Variants in GABRA2 observed in about 807,000 individuals in gnomAD.
The protein encoded by GABRA2 is gamma-aminobutyric acid receptor subunit alpha-2.
A neutral mutation model predicts 48.7 loss-of-function variants in GABRA2; 16 were observed. That is an observed-to-expected ratio of 0.33 (90% CI 0.22 to 0.50). GABRA2 has a LOEUF of 0.50. GABRA2 is among the 20% of genes least tolerant of loss of function. GABRA2 has a pLI of 0.98. For synonymous variants in GABRA2, 185 were observed against 184.5 expected (o/e 1.00, Z -0.02); for missense variants, 275 against 535.6 (o/e 0.51, Z 4.80).
intron 8 of GABRA2, among the ~76,000 whole-genome samples, chr4:46,274,657 C>A (rs544561462): frequency 2.6e-5 from 4 of 152,032 alleles, no homozygotes; most frequent in African/African-American, 4.8e-5. Context: ...TATAAGCATA[C>A]GTGCCTTAAA....
chr4:46,327,792 T>C (rs1379415856), intron 4 of GABRA2, among the ~76,000 whole-genome samples: 1 of 152,042 alleles, frequency 6.6e-6, no homozygotes, highest in Non-Finnish European at 1.5e-5. Flanking sequence ...ACCAAGGTCA[T>C]ACTTACCAGA....
At chr4:46,381,428 G>A (rs1716742546) in intron 3 of GABRA2, among the ~76,000 whole-genome samples, 1 of 152,152 alleles carries the variant, frequency 6.6e-6, no homozygotes, top group Non-Finnish European at 1.5e-5. Flanking sequence ...ATAAGATTTT[G>A]AGGCAATGCC....
chr4:46,296,947 G>C (rs1724830454), intron 8 of GABRA2, among the ~76,000 whole-genome samples: 1 of 152,100 alleles, frequency 6.6e-6, no homozygotes, highest in Admixed American at 6.6e-5. Flanking sequence ...CATTTGGGTT[G>C]GGGATTGGTG....
rs182347873 is a variant in GABRA2, at chr4:46,286,984, T to C, written c.856+16476A>G. Reference sequence around the variant, plus strand: ...CAATTTATTTATTTATTTCTGCTTGTGCTTTTGGTGTTAGATCTAAGAATT... The same window carrying C: ...CAATTTATTTATTTATTTCTGCTTGCGCTTTTGGTGTTAGATCTAAGAATT... On this transcript the variant is annotated intron_variant, in intron 8 of 9. Transcript: ENST00000381620. 2.0e-5 allele frequency among the ~76,000 whole-genome samples: 3 copies of C among 152,276 alleles called. No individual in the cohort carries two copies. The East Asian group carries it at 5.8e-4, about 29-fold the overall frequency.
chr4:46,308,163 A>G (rs967129215), intron 6 of GABRA2, among the ~76,000 whole-genome samples: 2 of 152,172 alleles, frequency 1.3e-5, no homozygotes, highest in Admixed American at 6.6e-5. Context: ...TCTGAAAGAC[A>G]ATTTACAGCT....
chr4:46,267,273 A>C (rs1244768104), intron 8 of GABRA2, among the ~76,000 whole-genome samples: 1 of 151,930 alleles, frequency 6.6e-6, no homozygotes, highest in East Asian at 1.9e-4. Context: ...CAGTTATGAT[A>C]ATTTGAACTA....
At position 46,246,898 on chromosome 4, in the gene GABRA2, G is replaced by A. The variant is rs1246161510; in HGVS notation, c.*3410C>T. 9.3e-5 allele frequency among the ~76,000 whole-genome samples: 14 copies of A among 150,920 alleles called. No homozygotes were observed. The highest frequency in any genetic ancestry group is 5.3e-4 in the Admixed American group (8 of 15,070). ...TTCTTCTTTCATTGGAATGATGACC[G>A]GCCATGCCAAAGAAAAGTACTTTGG... is the stretch of plus-strand genomic sequence containing the variant. On this transcript the variant is annotated 3_prime_UTR_variant, in exon 10 of 10. Transcript: ENST00000381620.
At position 46,250,616 on chromosome 4, in the gene GABRA2, T is replaced by C. The variant is rs769404921; in HGVS notation, c.1060-12A>G. 2.5e-6 allele frequency: 4 copies of C among 1,573,182 alleles called. No individual in the cohort carries two copies. In the East Asian group the frequency reaches 6.8e-5, roughly 27 times the overall value. ...GCCTTTTCTTTTTTCTATTGAAAAATACAAAAATTAACAGAGTGTGGGTTG... is the reference window on the plus strand; with the variant it reads ...GCCTTTTCTTTTTTCTATTGAAAAACACAAAAATTAACAGAGTGTGGGTTG... On this transcript the variant is annotated splice_polypyrimidine_tract_variant and intron_variant, in intron 9 of 9. Coordinates refer to ENST00000381620, the MANE Select transcript of GABRA2 (RefSeq NM_000807.4).
rs1023737314 is a variant in GABRA2, at chr4:46,281,604, C to G, written c.857-19476G>C. On this transcript the variant is annotated intron_variant, in intron 8 of 9. Coordinates refer to ENST00000381620, the MANE Select transcript of GABRA2 (RefSeq NM_000807.4). ...GCCACTGATATGTCAAGTAAATTGGCCTGAGATTTGGCCATTGTATTTAGC... is the reference window on the plus strand; with the variant it reads ...GCCACTGATATGTCAAGTAAATTGGGCTGAGATTTGGCCATTGTATTTAGC... Among the ~76,000 whole-genome samples the G allele has an allele frequency of 7.2e-5, 11 of 152,162 alleles. No homozygotes were observed. The East Asian group carries it at 1.5e-3, about 21-fold the overall frequency.
At chr4:46,389,153 C>G in intron 1 of GABRA2, 1 of 990,620 alleles carries the variant, frequency 1.0e-6, no homozygotes, top group Non-Finnish European at 1.2e-6. Flanking sequence ...GCCACAACCC[C>G]CTCAACCAAG....
chr4:46,321,804 T>C (rs1435181826), intron 4 of GABRA2, among the ~76,000 whole-genome samples: 2 of 151,962 alleles, frequency 1.3e-5, no homozygotes, highest in Non-Finnish European at 2.9e-5. Context: ...CCTCTCCCCA[T>C]ACTCAACAAA....
chr4:46,346,582 GTAT>G (rs1232853599), intron 3 of GABRA2, among the ~76,000 whole-genome samples: 2 of 148,686 alleles, frequency 1.3e-5, no homozygotes, highest in Non-Finnish European at 3.0e-5. Context: ...GCATATTTAT[GTAT>G]TATATTTATT....
At position 46,244,409 on chromosome 4, in the gene GABRA2, A is replaced by G. The variant is rs1338786868; in HGVS notation, c.*5899T>C. On this transcript the variant is annotated 3_prime_UTR_variant, in exon 10 of 10. Coordinates refer to ENST00000381620, the MANE Select transcript of GABRA2 (RefSeq NM_000807.4). ...ATACAGTTTATATAGCCAATGCAAC[A>G]TAGTTTGCCTTTTGGCATCATGTTA... is the stretch of plus-strand genomic sequence containing the variant. Among the ~76,000 whole-genome samples the G allele has an allele frequency of 6.6e-6, 1 of 151,594 alleles. No homozygotes were observed. The highest frequency in any genetic ancestry group is 1.5e-5 in the Non-Finnish European group (1 of 67,690).
chr4:46,279,918 T>C (rs1302264667), intron 8 of GABRA2, among the ~76,000 whole-genome samples: 1 of 152,114 alleles, frequency 6.6e-6, no homozygotes, highest in African/African-American at 2.4e-5. Flanking sequence ...ATTATATAAG[T>C]AGTACTTATA....
intron 6 of GABRA2, among the ~76,000 whole-genome samples, 164 bp downstream of exon 6, chr4:46,310,009 G>C (rs1319795297): frequency 6.6e-6 from 1 of 152,124 alleles, no homozygotes; most frequent in Non-Finnish European, 1.5e-5. Flanking sequence ...AATAATATTT[G>C]AGAGATGTTC....
rs373359933 is a variant in GABRA2 at position 46,305,259 on chromosome 4, G to C, written c.703+309C>G. Among the ~76,000 whole-genome samples the C allele has an allele frequency of 7.6e-3, 766 of 100,858 alleles. 9 individuals are homozygous for C. Among genetic ancestry groups the C allele is most frequent in the African/African-American group, 0.028 (715 of 25,384 alleles). The allele number at this position is 100,858 out of a possible 152,430, so 66.2% of individuals were successfully genotyped here. On this transcript the variant is annotated intron_variant, in intron 7 of 9. Coordinates refer to ENST00000381620, the MANE Select transcript of GABRA2 (RefSeq NM_000807.4). ...AGGGGAACATCACACACTGGGGCCT[G>C]TTGTGGGGTGGGGGGAGGGGGGAGG...
chr4:46,260,232 T>C (rs1469017945), intron 9 of GABRA2, among the ~76,000 whole-genome samples: 1 of 151,900 alleles, frequency 6.6e-6, no homozygotes, highest in Non-Finnish European at 1.5e-5. Context: ...ATTGTTTTCC[T>C]GAAGTAAACC....
chr4:46,354,103 T>C (rs1051208631), intron 3 of GABRA2, among the ~76,000 whole-genome samples: 2 of 152,174 alleles, frequency 1.3e-5, no homozygotes, highest in Non-Finnish European at 2.9e-5. Flanking sequence ...TTGCACACAT[T>C]ATTTTATTTT....
intron 2 of GABRA2, among the ~76,000 whole-genome samples, chr4:46,387,294 TAA>T (rs1717593945): frequency 1.3e-5 from 2 of 152,282 alleles, no homozygotes; most frequent in African/African-American, 4.8e-5. Flanking sequence ...TCTTTTAAAA[TAA>T]AAGACAATAT....
Sources: gnomAD v4.1 joint callset for allele counts (sites outside exome capture counted in the v4.1 genomes callset) on GRCh38, gnomAD v4.1.1 for gene constraint, MANE v1.5 for transcripts, NCBI Gene and HGNC (gene_info 2026-07-23, HGNC 2026-07-21) for gene names.